Variants in LGR5 observed in about 807,000 individuals in gnomAD.
LGR5 encodes the protein leucine rich repeat containing G protein-coupled receptor 5, also known as leucine-rich repeat-containing G protein-coupled receptor 5.
In LGR5, 54 loss-of-function variants were observed where a neutral mutation model predicts 76.7. That is an observed-to-expected ratio of 0.70 (90% CI 0.57 to 0.88). The LOEUF (loss-of-function observed/expected upper bound fraction) is 0.88, where lower values mean the gene tolerates loss of function less well. Among genes scored for constraint, LGR5 ranks in the 40% least tolerant of loss-of-function variants. The probability of loss-of-function intolerance (pLI) is 0.00; values close to 1 mark genes in which losing one functional copy is unlikely to be tolerated. For synonymous variants in LGR5, 406 were observed against 421.9 expected, an observed-to-expected ratio of 0.96 and a Z score of 0.46; for missense variants, 1,078 against 1,073.3, an observed-to-expected ratio of 1.00 and a Z score of -0.06.
At chr12:71,524,360 A>G in intron 2 of LGR5, 46 bp from the exon 3 acceptor site, 2 of 1,356,178 alleles carry the variant, frequency 1.5e-6, no homozygotes, top group Middle Eastern at 1.8e-4. Flanking sequence ...TGACTTCCAC[A>G]TGAAGAGGTA....
At chr12:71,454,282 A>G (rs1322957726) in intron 1 of LGR5, among the ~76,000 whole-genome samples, 1 of 152,198 alleles carries the variant, frequency 6.6e-6, no homozygotes, top group East Asian at 1.9e-4. Flanking sequence ...TGCCTACTGA[A>G]TTAATAAACC....
chr12:71,533,275 G>A (rs544484418), intron 3 of LGR5, among the ~76,000 whole-genome samples: 9 of 152,294 alleles, frequency 5.9e-5, no homozygotes, highest in African/African-American at 2.2e-4. Context: ...AACCCAGGAG[G>A]CAGAGGTTGC....
At chr12:71,553,971 A>T (rs1877632045) in intron 5 of LGR5, among the ~76,000 whole-genome samples, 1 of 152,148 alleles carries the variant, frequency 6.6e-6, no homozygotes, top group Non-Finnish European at 1.5e-5. Flanking sequence ...CATGCTTGTA[A>T]TCCCAGCTAC....
At chr12:71,467,404 C>A (rs1191712896) in intron 1 of LGR5, among the ~76,000 whole-genome samples, 1 of 152,136 alleles carries the variant, frequency 6.6e-6, no homozygotes, top group Non-Finnish European at 1.5e-5. Context: ...GAACTGGGGA[C>A]ATAATAAATA....
intron 1 of LGR5, among the ~76,000 whole-genome samples, chr12:71,489,160 A>T (rs1201677738): frequency 1.3e-5 from 2 of 152,282 alleles, no homozygotes; most frequent in East Asian, 3.9e-4. Context: ...ATACCACTTG[A>T]ATCTTTAAGG....
At chr12:71,577,563 T>C (rs1878912379) in intron 13 of LGR5, among the ~76,000 whole-genome samples, 2 of 152,200 alleles carry the variant, frequency 1.3e-5, no homozygotes, top group Admixed American at 1.3e-4. Flanking sequence ...ATTTAACACT[T>C]ACTTGTCAGA....
chr12:71,559,745 G>T (rs1286899128), intron 7 of LGR5, 91 bp downstream of exon 7: 6 of 679,466 alleles, frequency 8.8e-6, no homozygotes, highest in Non-Finnish European at 1.5e-5. Context: ...AATATGACTT[G>T]CTAGAAAATT....
chr12:71,541,205 A>G (rs1036247118), intron 4 of LGR5, among the ~76,000 whole-genome samples: 1 of 152,216 alleles, frequency 6.6e-6, no homozygotes. Context: ...CTCCTTCTAC[A>G]TAATGTTTAC....
chr12:71,507,809 T>G (rs974465105), intron 2 of LGR5, among the ~76,000 whole-genome samples: 10 of 152,084 alleles, frequency 6.6e-5, no homozygotes, highest in African/African-American at 2.4e-4. Flanking sequence ...GTGTTAAGTC[T>G]TTCATTCAGC....
chr12:71,448,984 G>A (rs1278036773), intron 1 of LGR5: 1 of 152,366 alleles, frequency 6.6e-6, no homozygotes. Context: ...GGCAAGAGAG[G>A]TGGAAGGGCT....
At chr12:71,533,685 A>G (rs1023497877) in intron 3 of LGR5, among the ~76,000 whole-genome samples, 8 of 152,216 alleles carry the variant, frequency 5.3e-5, no homozygotes, top group African/African-American at 1.9e-4. Flanking sequence ...TAAAAGGGCC[A>G]ATTTTTACTG....
chr12:71,507,416 T>A (rs1034554873), intron 2 of LGR5, among the ~76,000 whole-genome samples: 10 of 152,114 alleles, frequency 6.6e-5, no homozygotes, highest in African/African-American at 2.4e-4. Flanking sequence ...ATGATCAGTG[T>A]GTATATATGT....
At chr12:71,485,673 T>C (rs1434569816) in intron 1 of LGR5, among the ~76,000 whole-genome samples, 1 of 151,976 alleles carries the variant, frequency 6.6e-6, no homozygotes, top group African/African-American at 2.4e-5. Flanking sequence ...GAGGCTGCTG[T>C]GAAGCATGAT....
At chr12:71,532,138 A>G (rs1376278642) in intron 3 of LGR5, among the ~76,000 whole-genome samples, 2 of 152,180 alleles carry the variant, frequency 1.3e-5, no homozygotes, top group Non-Finnish European at 2.9e-5. Context: ...AATTAATTCT[A>G]TTATCTTTAT....
intron 1 of LGR5, among the ~76,000 whole-genome samples, chr12:71,488,173 G>A (rs1873917671): frequency 6.6e-6 from 1 of 152,164 alleles, no homozygotes; most frequent in Non-Finnish European, 1.5e-5. Flanking sequence ...TTTGAGGAGT[G>A]AAAGTCCCCA....
chr12:71,471,210 A>G (rs1217829967), intron 1 of LGR5, among the ~76,000 whole-genome samples: 1 of 152,238 alleles, frequency 6.6e-6, no homozygotes, highest in African/African-American at 2.4e-5. Context: ...CATAATGGGT[A>G]AGAATAAGGG....
chr12:71,564,960 C>T (rs1004390723), intron 8 of LGR5, among the ~76,000 whole-genome samples: 6 of 149,990 alleles, frequency 4.0e-5, no homozygotes, highest in South Asian at 2.1e-4. Flanking sequence ...TGTATATATA[C>T]GTATGTGTGT....
chr12:71,444,730 A>C (rs1871908223), intron 1 of LGR5, among the ~76,000 whole-genome samples: 1 of 152,168 alleles, frequency 6.6e-6, no homozygotes, highest in Non-Finnish European at 1.5e-5. Flanking sequence ...GTGTTTAAAG[A>C]AGTTTAGAAA....
chr12:71,458,810 G>A (rs1872583857), intron 1 of LGR5, among the ~76,000 whole-genome samples: 1 of 151,994 alleles, frequency 6.6e-6, no homozygotes, highest in Non-Finnish European at 1.5e-5. Flanking sequence ...CCTTGCCTTT[G>A]TATGGCAGCA....
Sources: gnomAD v4.1 joint callset for allele counts (sites outside exome capture counted in the v4.1 genomes callset) on GRCh38, gnomAD v4.1.1 for gene constraint, MANE v1.5 for transcripts, NCBI Gene and HGNC (gene_info 2026-07-23, HGNC 2026-07-21) for gene names.